The following BABAM2 variants were observed in gnomAD, a reference collection of about 807,000 sequenced individuals.
The protein encoded by BABAM2 is BRISC and BRCA1 A complex member 2.
A neutral mutation model predicts 54.7 loss-of-function variants in BABAM2; 31 were observed. That is an observed-to-expected ratio of 0.57 (90% CI 0.43 to 0.77). BABAM2 has a LOEUF of 0.77. Among genes scored for constraint, BABAM2 ranks in the 30% least tolerant of loss-of-function variants. The pLI is 0.00. For synonymous variants in BABAM2, 167 were observed against 162.9 expected, an observed-to-expected ratio of 1.03 and a Z score of -0.19; for missense variants, 364 against 455.8, an observed-to-expected ratio of 0.80 and a Z score of 1.83.
chr2:28,298,280 A>G, intron 10 of BABAM2, 58 bp from the exon 11 acceptor site: 1 of 1,562,630 alleles, frequency 6.4e-7, no homozygotes, highest in South Asian at 1.2e-5. Flanking sequence ...AGTCAAAAAA[A>G]AAAATCTTAA....
intron 10 of BABAM2, among the ~76,000 whole-genome samples, chr2:28,253,132 G>A (rs1035538142): frequency 6.6e-6 from 1 of 152,082 alleles, no homozygotes; most frequent in East Asian, 1.9e-4. Context: ...GGCTGAGTGC[G>A]GTGGCTCATG....
chr2:27,943,744 T>C (rs1669096227), intron 3 of BABAM2, among the ~76,000 whole-genome samples: 1 of 152,222 alleles, frequency 6.6e-6, no homozygotes, highest in Non-Finnish European at 1.5e-5. Context: ...TTTTTGTCTT[T>C]TAAAAAGATT....
In BABAM2 at chr2:28,237,231, T is replaced by C; in HGVS notation, c.710T>C (p.Ile237Thr). Residue 237 changes from isoleucine (I) to threonine (T), a missense_variant, in exon 8 of 12, where the codon ATC (isoleucine) becomes ACC (threonine). By Grantham distance (89) the Ile-to-Thr change is moderately conservative. Transcript: ENST00000379624. ...HALGGSSALH[I>T]PAFPGGGCLI... ...CTTGGAGGCTCCTCAGCTCTTCATA[T>C]CCCAGCTTTTCCAGGAGGAGGATGT... The C allele has an allele frequency of 6.2e-7, 1 of 1,613,922 alleles. No homozygotes were observed. The highest frequency in any genetic ancestry group is 8.5e-7 in the Non-Finnish European group (1 of 1,179,868).
intron 11 of BABAM2, among the ~76,000 whole-genome samples, chr2:28,314,711 T>C (rs1333936881): frequency 6.6e-6 from 1 of 152,178 alleles, no homozygotes; most frequent in Non-Finnish European, 1.5e-5. Flanking sequence ...GAATTGCACA[T>C]AGATTCTTCT....
In BABAM2 at chr2:28,241,342, G is replaced by A; in HGVS notation, c.800G>A (p.Gly267Glu). ...LTNKVQYVIQGYHKRREYIAA... is the reference protein window; with the variant it reads ...LTNKVQYVIQEYHKRREYIAA... ...TTCCAGGTGCAGTACGTGATTCAAGGGTATCACAAAAGAAGAGAGTATATT... is the reference window on the plus strand; with the variant it reads ...TTCCAGGTGCAGTACGTGATTCAAGAGTATCACAAAAGAAGAGAGTATATT... Residue 267 changes from glycine (G) to glutamate (E), a missense_variant, in exon 9 of 12, where the codon GGG (glycine) becomes GAG (glutamate). By Grantham distance (98) the Gly-to-Glu change is moderately conservative. Transcript: ENST00000379624. 3 of 1,613,914 alleles carry A rather than the reference G, an allele frequency of 1.9e-6. No homozygotes were observed. Among genetic ancestry groups the A allele is most frequent in the Non-Finnish European group, 2.5e-6 (3 of 1,179,936 alleles).
intron 10 of BABAM2, among the ~76,000 whole-genome samples, chr2:28,279,186 C>T (rs1019223731): frequency 2.0e-5 from 3 of 152,198 alleles, no homozygotes; most frequent in Admixed American, 2.0e-4. Flanking sequence ...GCCTGAGTGG[C>T]CCCTTGGAGC....
At chr2:28,046,764 G>A (rs1677609675) in intron 6 of BABAM2, among the ~76,000 whole-genome samples, 1 of 149,824 alleles carries the variant, frequency 6.7e-6, no homozygotes, top group Non-Finnish European at 1.5e-5. Context: ...AAAGGTTAGG[G>A]AATTTTTTTT....
intron 5 of BABAM2, among the ~76,000 whole-genome samples, chr2:28,034,654 T>C (rs1321595058): frequency 6.6e-6 from 1 of 152,162 alleles, no homozygotes; most frequent in Non-Finnish European, 1.5e-5. Context: ...CAGGAGCAGT[T>C]CTGATGGACT....
intron 10 of BABAM2, among the ~76,000 whole-genome samples, chr2:28,274,412 G>A (rs1685697312): frequency 6.6e-6 from 1 of 152,102 alleles, no homozygotes; most frequent in African/African-American, 2.4e-5. Context: ...TGAGGTCCAG[G>A]ACTAAATCTA....
intron 3 of BABAM2, among the ~76,000 whole-genome samples, chr2:27,959,423 GT>G (rs1670311573): frequency 6.6e-6 from 1 of 152,150 alleles, no homozygotes; most frequent in Non-Finnish European, 1.5e-5. Flanking sequence ...CAGGATAACT[GT>G]GATATATCCA....
At chr2:27,903,062 T>C (rs1287517634) in intron 2 of BABAM2, among the ~76,000 whole-genome samples, 1 of 152,160 alleles carries the variant, frequency 6.6e-6, no homozygotes, top group African/African-American at 2.4e-5. Flanking sequence ...TTTTCTGTAA[T>C]ATGGAGTGAG....
intron 7 of BABAM2, among the ~76,000 whole-genome samples, chr2:28,189,446 C>A (rs1023384614): frequency 6.6e-6 from 1 of 152,096 alleles, no homozygotes; most frequent in African/African-American, 2.4e-5. Flanking sequence ...GAGAAAACAT[C>A]AGCATGGACT....
chr2:28,301,510 G>C (rs972364708), intron 11 of BABAM2, among the ~76,000 whole-genome samples: 1 of 152,162 alleles, frequency 6.6e-6, no homozygotes, highest in African/African-American at 2.4e-5. Flanking sequence ...TCCTAAAACA[G>C]GACTGTACTC....
intron 6 of BABAM2, among the ~76,000 whole-genome samples, chr2:28,124,596 T>A (rs1325671220): frequency 1.3e-5 from 2 of 152,190 alleles, no homozygotes; most frequent in African/African-American, 4.8e-5. Flanking sequence ...AATCTCTAGA[T>A]GTAGAGAATA....
At chr2:28,335,262 C>A (rs940980997) in intron 11 of BABAM2, among the ~76,000 whole-genome samples, 6 of 149,162 alleles carry the variant, frequency 4.0e-5, no homozygotes, top group Admixed American at 2.1e-4. Context: ...CTCCGCCTCC[C>A]GGGTTCAAGC....
chr2:27,971,075 G>A (rs1268865051), intron 3 of BABAM2, among the ~76,000 whole-genome samples: 3 of 152,046 alleles, frequency 2.0e-5, no homozygotes, highest in African/African-American at 2.4e-5. Flanking sequence ...TTAAGTTGGT[G>A]TCTACCAGTT....
At chr2:27,984,111 T>A (rs1573326074) in intron 3 of BABAM2, among the ~76,000 whole-genome samples, 1 of 151,864 alleles carries the variant, frequency 6.6e-6, no homozygotes, top group East Asian at 1.9e-4. Context: ...ATGCAGCCAT[T>A]CTTCTATAGC....
chr2:28,011,767 G>T (rs933236307), intron 4 of BABAM2, among the ~76,000 whole-genome samples: 7 of 152,118 alleles, frequency 4.6e-5, no homozygotes, highest in African/African-American at 1.7e-4. Context: ...GGGTTTGTTT[G>T]TGATTATCAT....
intron 5 of BABAM2, among the ~76,000 whole-genome samples, chr2:28,029,408 T>C (rs1291628990): frequency 6.6e-6 from 1 of 152,202 alleles, no homozygotes; most frequent in Non-Finnish European, 1.5e-5. Context: ...TATGTTTCTA[T>C]GGTTTTGACT....
Sources: gnomAD v4.1 joint callset for allele counts (sites outside exome capture counted in the v4.1 genomes callset) on GRCh38, gnomAD v4.1.1 for gene constraint, MANE v1.5 for transcripts, NCBI Gene and HGNC (gene_info 2026-07-23, HGNC 2026-07-21) for gene names.